NRG2: variants seen among roughly 807,000 people sequenced by gnomAD.
The protein encoded by NRG2 is pro-neuregulin-2, membrane-bound isoform.
Under a neutral mutation model 73.9 loss-of-function variants are expected in NRG2, and 27 were observed. That is an observed-to-expected ratio of 0.37 (90% CI 0.27 to 0.50). NRG2 has a LOEUF of 0.50. Ranked by LOEUF, NRG2 falls within the 20% of genes least tolerant of loss-of-function variation. The pLI is 0.96. For missense variants in NRG2, 1,126 were observed against 1,210.1 expected (o/e 0.93, Z 1.03); for synonymous variants, 532 against 541.0 (o/e 0.98, Z 0.23).
chr5:139,892,967 C>T (rs144695706), intron 1 of NRG2, among the ~76,000 whole-genome samples: 24 of 152,226 alleles, frequency 1.6e-4, no homozygotes, highest in African/African-American at 5.8e-4. Flanking sequence ...TATGGAGTAA[C>T]CACCCCTACT....
In NRG2 at chr5:140,042,376, C is replaced by G. The variant is rs751689940; in HGVS notation, c.694G>C (p.Asp232His). The change falls in exon 1 of 10, where the codon GAC (aspartate) becomes CAC (histidine). Residue 232 changes from aspartate to histidine, a missense_variant. Physicochemically the swap from Asp to His is moderately conservative, Grantham distance 81 (BLOSUM62 -1). This residue lies in a region of NRG2 where 539 missense variants were observed against 703.2 expected (regional missense o/e 0.77). Coordinates refer to ENST00000361474, the MANE Select transcript of NRG2 (RefSeq NM_004883.3). ...AAGGGAGGGGGCGACTCACCGCAGT[C>G]AGTGCACAGGATCTTGCCCACCTCT... ...KKEVGKILCT[D>H]CATRPKLKKM... 4 of 1,557,572 alleles carry G rather than the reference C, an allele frequency of 2.6e-6. No individual in the cohort carries two copies. Among genetic ancestry groups the G allele is most frequent in the African/African-American group, 1.4e-5 (1 of 73,608 alleles).
intron 2 of NRG2, among the ~76,000 whole-genome samples, chr5:139,885,359 G>A (rs1015835683): frequency 2.0e-5 from 3 of 152,332 alleles, no homozygotes; most frequent in East Asian, 1.9e-4. Context: ...GGCCGAGGCC[G>A]CTGAGAGGCC....
At chr5:139,961,219 C>A (rs1032627458) in intron 1 of NRG2, among the ~76,000 whole-genome samples, 1 of 152,130 alleles carries the variant, frequency 6.6e-6, no homozygotes, top group African/African-American at 2.4e-5. Flanking sequence ...AAGGGGGAGC[C>A]CCAGCCGGTG....
At chr5:139,873,180 C>T (rs890151344) in intron 3 of NRG2, among the ~76,000 whole-genome samples, 12 of 152,176 alleles carry the variant, frequency 7.9e-5, no homozygotes, top group Non-Finnish European at 1.6e-4. Context: ...ATCCAGCGGG[C>T]AGGGCCGGCT....
intron 1 of NRG2, among the ~76,000 whole-genome samples, chr5:139,905,741 G>A (rs966977060): frequency 2.0e-5 from 3 of 152,038 alleles, no homozygotes; most frequent in Non-Finnish European, 4.4e-5. Flanking sequence ...GAGGGAGAGC[G>A]AGTACCCACC....
Position 140,042,687 on chromosome 5 carries a change from G to A in NRG2, c.383C>T (p.Pro128Leu). Residue 128 changes from proline to leucine, a missense_variant, in exon 1 of 10, where the codon CCC becomes CTC. Pro to Leu is a moderately conservative substitution (Grantham distance 98). Around this residue, in one of 3 missense-constraint regions of NRG2, gnomAD observed 539 missense variants for 703.2 expected, o/e 0.77. Coordinates refer to ENST00000361474, the MANE Select transcript of NRG2 (RefSeq NM_004883.3). ...CTGTACCTTGCCCTCCACCACCACG[G>A]GTGCCTTGTACGCCTGGTCCTGCAC... ...KSVQDQAYKA[P>L]VVVEGKVQGL... The A allele has an allele frequency of 6.3e-7, 1 of 1,586,222 alleles. No homozygotes were observed. Among genetic ancestry groups the A allele is most frequent in the Admixed American group, 1.8e-5 (1 of 56,176 alleles).
chr5:139,862,626 A>G (rs1446549833), intron 5 of NRG2, among the ~76,000 whole-genome samples: 1 of 152,254 alleles, frequency 6.6e-6, no homozygotes, highest in Non-Finnish European at 1.5e-5. Flanking sequence ...CTGCCTGGAC[A>G]AGGAGGCAGT....
At chr5:140,011,154 C>A (rs1759333667) in intron 1 of NRG2, among the ~76,000 whole-genome samples, 1 of 152,268 alleles carries the variant, frequency 6.6e-6, no homozygotes, top group Non-Finnish European at 1.5e-5. Context: ...TTTTAACAAT[C>A]TGGCCACAGC....
chr5:139,913,616 G>A (rs1482461319), intron 1 of NRG2, among the ~76,000 whole-genome samples: 7 of 152,188 alleles, frequency 4.6e-5, no homozygotes, highest in Non-Finnish European at 1.0e-4. Context: ...GCCCTCCCCT[G>A]CTCCTTGAGC....
chr5:140,003,316 C>T (rs546967371), intron 1 of NRG2, among the ~76,000 whole-genome samples: 1 of 152,270 alleles, frequency 6.6e-6, no homozygotes, highest in African/African-American at 2.4e-5. Flanking sequence ...ATTTCTGGAA[C>T]CTGTAAGTAT....
chr5:139,880,324 T>C (rs1763444616), intron 3 of NRG2, among the ~76,000 whole-genome samples: 1 of 152,154 alleles, frequency 6.6e-6, no homozygotes, highest in East Asian at 1.9e-4. Context: ...CGTGAGGTCC[T>C]GACCTTGCAA....
In NRG2 at chr5:139,952,281, T is replaced by C. The variant is rs540899250; in HGVS notation, c.701-64770A>G. On this transcript the variant is annotated intron_variant, in intron 1 of 9. Transcript: ENST00000361474. Reference sequence around the variant, plus strand: ...TTTGGCAGATCACGTCTCAATTATTTGAGGGTCCAGGGCCCAGCCTCTGTA... The same window carrying C: ...TTTGGCAGATCACGTCTCAATTATTCGAGGGTCCAGGGCCCAGCCTCTGTA... Among the ~76,000 whole-genome samples, 12 of 152,228 alleles carry C rather than the reference T, an allele frequency of 7.9e-5. No individual in the cohort carries two copies. The South Asian group carries it at 1.9e-3, about 24-fold the overall frequency.
intron 3 of NRG2, among the ~76,000 whole-genome samples, chr5:139,878,527 G>A (rs900441106): frequency 2.6e-5 from 4 of 152,200 alleles, no homozygotes; most frequent in Non-Finnish European, 4.4e-5. Context: ...CATAGTGAGA[G>A]AAACTGTCTT....
intron 1 of NRG2, among the ~76,000 whole-genome samples, chr5:139,891,240 G>C (rs1226686016): frequency 3.3e-5 from 5 of 152,206 alleles, no homozygotes; most frequent in Admixed American, 3.3e-4. Flanking sequence ...ACTGCTTAGT[G>C]GTGATGGTGA....
At chr5:139,951,368 A>C (rs1412551320) in intron 1 of NRG2, among the ~76,000 whole-genome samples, 1 of 152,194 alleles carries the variant, frequency 6.6e-6, no homozygotes, top group African/African-American at 2.4e-5. Flanking sequence ...CTTCAAGCCC[A>C]GGGCAGTCAA....
At chr5:139,888,585 A>G (rs1764021943) in intron 1 of NRG2, among the ~76,000 whole-genome samples, 1 of 152,110 alleles carries the variant, frequency 6.6e-6, no homozygotes, top group Non-Finnish European at 1.5e-5. Context: ...AGTGCTGACA[A>G]TGGGCCAGAG....
intron 1 of NRG2, among the ~76,000 whole-genome samples, chr5:140,038,278 C>G (rs913916658): frequency 6.6e-6 from 1 of 152,084 alleles, no homozygotes; most frequent in African/African-American, 2.4e-5. Flanking sequence ...CCCTAGCTCT[C>G]AAACTGTTTG....
chr5:139,953,918 C>A lies in NRG2; in HGVS notation c.701-66407G>T, dbSNP rs746869441. On this transcript the variant is annotated intron_variant, in intron 1 of 9. Transcript: ENST00000361474. ...GAGGAAGCAGTGAAGGGTCCCCCAA[C>A]GCAGGATTTACAGGCCCTCATGAAA... 9.5e-4 allele frequency among the ~76,000 whole-genome samples: 145 copies of A among 152,230 alleles called. 1 individual carries two copies. Among genetic ancestry groups the A allele is most frequent in the South Asian group, 1.0e-3 (5 of 4,814 alleles).
chr5:139,904,389 C>T lies in NRG2; in HGVS notation c.701-16878G>A. On this transcript the variant is annotated intron_variant, in intron 1 of 9. Coordinates refer to ENST00000361474, the MANE Select transcript of NRG2 (RefSeq NM_004883.3). This position sits in a 1 kb window ranked among gnomAD's most constrained non-coding sequence, Gnocchi z 6.0. ...CGCGGCCGCGGCCCCTCCTCCTGGA[C>T]TCCGACATTCTGCACGGGGTCCCAG... The T allele has an allele frequency of 6.4e-7, 1 of 1,558,120 alleles. No homozygotes were observed. Among genetic ancestry groups the T allele is most frequent in the African/African-American group, 1.4e-5 (1 of 72,866 alleles).
Sources: gnomAD v4.1 joint callset for allele counts (sites outside exome capture counted in the v4.1 genomes callset) on GRCh38, gnomAD v4.1.1 for gene constraint, gnomAD v4.1.1 regional missense constraint, Gnocchi (gnomAD v3.1) non-coding constraint, MANE v1.5 for transcripts, NCBI Gene and HGNC (gene_info 2026-07-23, HGNC 2026-07-21) for gene names.